Variants in PFKFB3 observed in about 807,000 individuals in gnomAD.
The protein encoded by PFKFB3 is 6-phosphofructo-2-kinase/fructose-2,6-bisphosphatase 3.
PFKFB3 carries 33 observed loss-of-function variants against 68.0 expected under a neutral mutation model. The ratio of observed to expected loss-of-function variants is 0.49; its 90% confidence interval spans 0.37 to 0.65. PFKFB3 has a LOEUF of 0.65. PFKFB3 is among the 30% of genes least tolerant of loss of function. PFKFB3 has a pLI of 0.00. For missense variants in PFKFB3, 586 were observed against 712.2 expected, an observed-to-expected ratio of 0.82 and a Z score of 2.02; for synonymous variants, 315 against 288.2, an observed-to-expected ratio of 1.09 and a Z score of -0.94.
In PFKFB3 at chr10:6,202,987, A is replaced by G; in HGVS notation, c.-274A>G. ...GCCTGGTGGCGAGAGCGCGGCTGTC[A>G]CTGCGCCCGAGCATCCCAGAGCTTT... On this transcript the variant is annotated 5_prime_UTR_variant, in exon 1 of 15. Transcript: ENST00000379775. 1 of 1,312,414 alleles carries G rather than the reference A, an allele frequency of 7.6e-7. No homozygotes were observed. Among genetic ancestry groups the G allele is most frequent in the South Asian group, 1.9e-5 (1 of 53,354 alleles). 81.3% of individuals were successfully genotyped at this position (1,312,414 alleles called of 1,614,324 possible). A position where few individuals can be genotyped will look rare whatever the true frequency, so the allele number is the denominator to read the frequency against.
intron 14 of PFKFB3, among the ~76,000 whole-genome samples, chr10:6,241,530 A>T (rs1286988483): frequency 6.6e-6 from 1 of 152,120 alleles, no homozygotes; most frequent in African/African-American, 2.4e-5. Context: ...ATCTGTGGCC[A>T]TGTGTTAAAA....
chr10:6,197,134 G>A (rs570761099), intron 1 of PFKFB3, among the ~76,000 whole-genome samples: 8 of 151,966 alleles, frequency 5.3e-5, no homozygotes, highest in South Asian at 2.1e-4. Context: ...ATAGGTCCCC[G>A]CCACCATGCC....
intron 1 of PFKFB3, among the ~76,000 whole-genome samples, chr10:6,177,729 T>C (rs1055851587): frequency 1.3e-5 from 2 of 152,002 alleles, no homozygotes; most frequent in Non-Finnish European, 2.9e-5. Flanking sequence ...GGTTTCACCA[T>C]GTTAGGCTGG....
At chr10:6,291,340 C>T in the PFKFB3 span, among the ~76,000 whole-genome samples, 5 of 151,982 alleles carry the variant, frequency 3.3e-5, no homozygotes, top group African/African-American at 7.2e-5. Context: ...CCAAGGTGGG[C>T]GGATCACTTG....
chr10:6,195,474 A>G (rs1169895966), intron 1 of PFKFB3, among the ~76,000 whole-genome samples: 2 of 152,196 alleles, frequency 1.3e-5, no homozygotes, highest in African/African-American at 4.8e-5. Context: ...GCAAGATCCA[A>G]GTGTTCAAGG....
the PFKFB3 span, chr10:6,293,487 A>G: frequency 9.2e-6 from 2 of 218,384 alleles, no homozygotes; most frequent in South Asian, 1.3e-4. Flanking sequence ...CTGGGATTAT[A>G]GGTGTGCACC....
At chr10:6,187,955 C>CTATT (rs1842916504) in intron 1 of PFKFB3, among the ~76,000 whole-genome samples, 1 of 101,234 alleles carries the variant, frequency 9.9e-6, no homozygotes, top group Admixed American at 1.3e-4. Flanking sequence ...CCATTTCTAT[C>CTATT]TATCTATCTA....
chr10:6,282,593 T>G, the PFKFB3 span, among the ~76,000 whole-genome samples: 382 of 152,282 alleles, frequency 2.5e-3, no homozygotes, highest in African/African-American at 8.5e-3. Context: ...AGCATAGACC[T>G]AAGGCCGCTC....
At chr10:6,283,768 G>A in the PFKFB3 span, among the ~76,000 whole-genome samples, 1 of 152,124 alleles carries the variant, frequency 6.6e-6, no homozygotes, top group Non-Finnish European at 1.5e-5. Flanking sequence ...GTGCAACCAC[G>A]GGTGGAACCT....
At chr10:6,170,794 T>G (rs931342102) in intron 1 of PFKFB3, among the ~76,000 whole-genome samples, 1 of 151,682 alleles carries the variant, frequency 6.6e-6, no homozygotes, top group Admixed American at 6.6e-5. Flanking sequence ...TAGGTTTGGC[T>G]GGGTGACAGC....
the PFKFB3 span, among the ~76,000 whole-genome samples, chr10:6,284,595 A>G: frequency 6.6e-6 from 1 of 152,224 alleles, no homozygotes; most frequent in African/African-American, 2.4e-5. Context: ...AATATACACA[A>G]TGAAATTTAC....
chr10:6,289,865 C>T, the PFKFB3 span, among the ~76,000 whole-genome samples: 1 of 151,736 alleles, frequency 6.6e-6, no homozygotes, highest in Non-Finnish European at 1.5e-5. Flanking sequence ...TTGTTTGTAT[C>T]CTCTTTTATT....
intron 7 of PFKFB3, among the ~76,000 whole-genome samples, 191 bp downstream of exon 7, chr10:6,219,884 A>C (rs369092077): frequency 1.2e-4 from 18 of 151,428 alleles, no homozygotes; most frequent in African/African-American, 4.4e-4. Context: ...TGATCCACAT[A>C]CAGCCGCTGG....
intron 1 of PFKFB3, among the ~76,000 whole-genome samples, chr10:6,158,448 C>G (rs79933137): frequency 0.011 from 1,643 of 152,256 alleles, 66 homozygotes; most frequent in East Asian, 0.1. Context: ...AATGAGGAAG[C>G]CTGATGGCTT....
At chr10:6,312,761 C>G in the PFKFB3 span, among the ~76,000 whole-genome samples, 1 of 152,166 alleles carries the variant, frequency 6.6e-6, no homozygotes, top group South Asian at 2.1e-4. Flanking sequence ...GCCGACTGCT[C>G]ACAGTCAACT....
intron 1 of PFKFB3, among the ~76,000 whole-genome samples, chr10:6,183,614 AATATAT>A (rs371411251): frequency 0.028 from 2,601 of 93,884 alleles, 27 homozygotes; most frequent in East Asian, 0.13. Context: ...AAAAAAAAAA[AATATAT>A]ATATATATAT....
Position 6,230,265 on chromosome 10 carries a change from A to G in PFKFB3, c.1516-2630A>G, listed in dbSNP as rs564092665. 7.2e-5 allele frequency among the ~76,000 whole-genome samples: 11 copies of G among 152,244 alleles called. No homozygotes were observed. In the East Asian group the frequency reaches 2.1e-3, roughly 29 times the overall value. On this transcript the variant is annotated intron_variant, in intron 14 of 14. Coordinates refer to ENST00000379775, the MANE Select transcript of PFKFB3 (RefSeq NM_004566.4). The stretch of plus-strand genomic sequence containing the variant: ...GTCCATCCTGGGTGCGTGACCCCAC[A>G]TCTAGGATTGTAGCCACATCTGATT...
chr10:6,192,139 T>C (rs867526561), intron 1 of PFKFB3, among the ~76,000 whole-genome samples: 13 of 119,078 alleles, frequency 1.1e-4, no homozygotes, highest in Admixed American at 1.9e-4. Flanking sequence ...CATTCCCCAA[T>C]ACACACACAC....
intron 1 of PFKFB3, among the ~76,000 whole-genome samples, chr10:6,189,116 G>A (rs1186945155): frequency 1.3e-5 from 2 of 152,168 alleles, no homozygotes; most frequent in Admixed American, 1.3e-4. Flanking sequence ...TGGGATTACA[G>A]GCGTGAGCCA....
Sources: allele counts gnomAD v4.1 joint callset (sites outside exome capture counted in the v4.1 genomes callset), GRCh38; gene constraint gnomAD v4.1.1; transcripts MANE v1.5; gene names NCBI Gene and HGNC (gene_info 2026-07-23, HGNC 2026-07-21).